Variants in SSR2 observed in about 807,000 individuals in gnomAD.
SSR2 encodes translocon-associated protein subunit beta.
A neutral mutation model predicts 22.6 loss-of-function variants in SSR2; 16 were observed. The observed-to-expected ratio is 0.71, with a 90% CI of 0.48 to 1.08. The LOEUF is 1.08. Among genes scored for constraint, SSR2 ranks in the 50% least tolerant of loss-of-function variants. The probability of loss-of-function intolerance (pLI) is 0.00; values close to 1 mark genes in which losing one functional copy is unlikely to be tolerated. For synonymous variants in SSR2, 83 were observed against 91.2 expected (o/e 0.91, Z 0.51); for missense variants, 171 against 221.6 (o/e 0.77, Z 1.45).
chr1:156,012,828 T>C lies in SSR2; in HGVS notation c.364-941A>G, dbSNP rs1338512506. On this transcript the variant is annotated intron_variant, in intron 4 of 5. Coordinates refer to ENST00000295702, the MANE Select transcript of SSR2 (RefSeq NM_003145.4). The stretch of plus-strand genomic sequence containing the variant: ...TTTATGACTTAAGCTTTTTGAGGAC[T>C]TGGACAGTATATTAATCCTCTTGGT... The C allele has an allele frequency of 1.1e-5, 3 of 283,948 alleles. No homozygotes were observed. The Admixed American group carries it at 1.3e-4, about 12-fold the overall frequency. The allele number at this position is 283,948 out of a possible 1,614,324, so 17.6% of individuals were successfully genotyped here.
chr1:156,020,587 T>C (rs1441796765), intron 1 of SSR2: 7 of 323,584 alleles, frequency 2.2e-5, no homozygotes, highest in East Asian at 8.2e-5. Flanking sequence ...CACAGCTCTA[T>C]TGGGATCCCA....
At chr1:156,016,377 G>A (rs1470221670) in intron 3 of SSR2, among the ~76,000 whole-genome samples, 1 of 151,864 alleles carries the variant, frequency 6.6e-6, no homozygotes, top group Non-Finnish European at 1.5e-5. Context: ...GGAACTACAG[G>A]CGCCCGCCAC....
chr1:156,012,299 C>A lies in SSR2; in HGVS notation c.364-412G>T, dbSNP rs112572765. On this transcript the variant is annotated intron_variant, in intron 4 of 5. Coordinates refer to ENST00000295702, the MANE Select transcript of SSR2 (RefSeq NM_003145.4). ...TACCCTTGGTAATCATTTACTTAATCCTCCAGCAAAAATCCACTACTTCAC... is the reference window on the plus strand; with the variant it reads ...TACCCTTGGTAATCATTTACTTAATACTCCAGCAAAAATCCACTACTTCAC... The A allele has an allele frequency of 4.6e-3, 1,391 of 300,944 alleles. 25 individuals are homozygous for A. The highest frequency in any genetic ancestry group is 0.029 in the African/African-American group (1,322 of 46,274). 18.6% of individuals were successfully genotyped at this position (300,944 alleles called of 1,614,324 possible).
intron 4 of SSR2, 115 bp downstream of exon 4, chr1:156,014,846 T>C: frequency 1.2e-6 from 1 of 853,062 alleles, no homozygotes; most frequent in Non-Finnish European, 1.9e-6. Flanking sequence ...CAGTCCTAAC[T>C]GTATTTTGGT....
intron 3 of SSR2, among the ~76,000 whole-genome samples, chr1:156,017,744 T>TTTG (rs1683079524): frequency 9.2e-6 from 1 of 109,012 alleles, no homozygotes; most frequent in Non-Finnish European, 1.9e-5. Flanking sequence ...TTCAGGTTTT[T>TTTG]TTTTTTTTTT....
chr1:156,012,005 C>T, intron 4 of SSR2, 118 bp from the exon 5 acceptor site: 1 of 692,370 alleles, frequency 1.4e-6, no homozygotes, highest in East Asian at 2.6e-5. Flanking sequence ...TCTTAGTTCC[C>T]AAAGGCTCAG....
intron 4 of SSR2, chr1:156,012,611 G>A (rs1682995604): frequency 4.4e-6 from 2 of 455,150 alleles, no homozygotes; most frequent in South Asian, 3.1e-5. Flanking sequence ...GCTAGGTTTA[G>A]AAGAATATGG....
At chr1:156,010,844 G>C (rs149308844) in intron 5 of SSR2, 1 of 151,926 alleles carries the variant, frequency 6.6e-6, no homozygotes, top group Admixed American at 6.6e-5. Flanking sequence ...TCTCAATCTC[G>C]GCTGCTCTCT....
At chr1:156,014,892 C>A in intron 4 of SSR2, 69 bp downstream of exon 4, 1 of 1,281,578 alleles carries the variant, frequency 7.8e-7, no homozygotes, top group Non-Finnish European at 1.1e-6. Flanking sequence ...CCCCTCTTAC[C>A]CCCACCACAA....
chr1:156,009,077 C>G lies in SSR2; in HGVS notation c.*463G>C, dbSNP rs1433081433. 1 of 154,864 alleles carries G rather than the reference C, an allele frequency of 6.5e-6. No individual in the cohort carries two copies. The highest frequency in any genetic ancestry group is 1.4e-5 in the Non-Finnish European group (1 of 69,912). 9.6% of individuals were successfully genotyped at this position (154,864 alleles called of 1,614,324 possible). ...TGTGGCATTTGTTTTTATTAGAAAA[C>G]CCCTTAGTAAGCACTTCTCTAACCC... On this transcript the variant is annotated 3_prime_UTR_variant, in exon 6 of 6. Coordinates refer to ENST00000295702, the MANE Select transcript of SSR2 (RefSeq NM_003145.4).
intron 4 of SSR2, chr1:156,013,774 C>T (rs1421375263): frequency 1.3e-5 from 2 of 153,146 alleles, no homozygotes; most frequent in African/African-American, 4.8e-5. Context: ...TAAGCAGGAG[C>T]AATCTAAGCA....
rs1300614243 is a variant in SSR2 at position 156,009,588 on chromosome 1, C to T, written c.504G>A (p.Trp168Ter). The change falls in exon 6 of 6, where the codon TGG becomes TGA. Residue 168 changes from tryptophan to a stop codon, truncating the protein, a stop_gained. Coordinates refer to ENST00000295702, the MANE Select transcript of SSR2 (RefSeq NM_003145.4). LOFTEE classifies it high-confidence loss of function. ...LPSIGIPLLL[W>*]YSSKRKYDTP... is the part of the protein sequence containing the mutation. ...TGTCATATTTCCTCTTGCTGGAGTA[C>T]CACAATAGCAGGGGGATGCCGATGG... 6.2e-7 allele frequency: 1 copy of T among 1,613,082 alleles called. No individual in the cohort carries two copies. Among genetic ancestry groups the T allele is most frequent in the African/African-American group, 1.3e-5 (1 of 74,950 alleles).
intron 3 of SSR2, among the ~76,000 whole-genome samples, chr1:156,016,049 G>T (rs1018470840): frequency 2.0e-5 from 3 of 151,962 alleles, no homozygotes; most frequent in African/African-American, 7.2e-5. Flanking sequence ...TACTCTGGAG[G>T]CTGAGGCTGG....
rs1558076415 is a variant in SSR2, at chr1:156,011,903, G to A, written c.364-16C>T. 6.2e-7 allele frequency: 1 copy of A among 1,607,582 alleles called. No individual in the cohort carries two copies. The highest frequency in any genetic ancestry group is 8.5e-7 in the Non-Finnish European group (1 of 1,174,630). On this transcript the variant is annotated splice_polypyrimidine_tract_variant and intron_variant, in intron 4 of 5. Coordinates refer to ENST00000295702, the MANE Select transcript of SSR2 (RefSeq NM_003145.4). ...TAGAGCCAATCTGAAAAGAAGAAAA[G>A]AACGACATTAAGGGAAGTCCACCTC...
chr1:156,016,281 T>G (rs2102723817), intron 3 of SSR2, among the ~76,000 whole-genome samples: 1 of 152,100 alleles, frequency 6.6e-6, no homozygotes, highest in Admixed American at 6.5e-5. Context: ...TCGCCCAGGC[T>G]GAAGTGCAGT....
rs1314046437 is a variant in SSR2, at chr1:156,020,160, A to G, written c.8T>C (p.Leu3Pro). The change falls in exon 2 of 6, where the codon CTG (leucine) becomes CCG (proline). Residue 3 changes from leucine (L) to proline (P), a missense_variant. Leu to Pro is a moderately conservative substitution (Grantham distance 98). Transcript: ENST00000295702. MRLLSFVVLALFA... is the reference protein window; with the variant it reads MRPLSFVVLALFA... ...TAGAGCCAACACCACAAATGACAGC[A>G]GCCTCATCTTTAGAGAAAAAAGCAA... The G allele has an allele frequency of 3.1e-6, 5 of 1,613,682 alleles. No individual in the cohort carries two copies. The East Asian group carries it at 1.1e-4, about 36-fold the overall frequency.
At chr1:156,016,066 G>A (rs72708238) in intron 3 of SSR2, among the ~76,000 whole-genome samples, 45,050 of 151,486 alleles carry the variant, frequency 0.3, 7,674 homozygotes, top group East Asian at 0.82. Context: ...CTGGAGAATC[G>A]CTTGAACTCG....
Position 156,014,987 on chromosome 1 carries a change from GGTAA to G in SSR2, c.333_336del (p.Tyr112TrpfsTer9), listed in dbSNP as rs755782402. 1.2e-6 allele frequency: 2 copies of G among 1,613,844 alleles called. No homozygotes were observed. The highest frequency in any genetic ancestry group is 1.7e-6 in the Non-Finnish European group (2 of 1,179,920). On this transcript the variant is annotated frameshift_variant, in exon 4 of 6. Transcript: ENST00000295702. LOFTEE classifies it high-confidence loss of function. ...ACAACGGGCCCATCCTCCTGGGCCA[GGTAA>G]GTAATTGTTGCCGAGGTGAAGTTGA... is the stretch of plus-strand genomic sequence containing the variant.
At position 156,011,866 on chromosome 1, in the gene SSR2, C is replaced by G. The variant is rs1682982614; in HGVS notation, c.385G>C (p.Gly129Arg). 1 of 1,613,850 alleles carries G rather than the reference C, an allele frequency of 6.2e-7. No homozygotes were observed. The highest frequency in any genetic ancestry group is 8.5e-7 in the Non-Finnish European group (1 of 1,179,914). The change falls in exon 5 of 6, where the codon GGA becomes CGA. Residue 129 changes from glycine to arginine, a missense_variant. Physicochemically the swap from Gly to Arg is moderately radical, Grantham distance 125 (BLOSUM62 -2). Coordinates refer to ENST00000295702, the MANE Select transcript of SSR2 (RefSeq NM_003145.4). ...CGCTGAGCCAGGATTCCTCCCTGTCCAGGTGCACTGGTAGAGCCAATCTGA... is the reference window on the plus strand; with the variant it reads ...CGCTGAGCCAGGATTCCTCCCTGTCGAGGTGCACTGGTAGAGCCAATCTGA... ...PVVIGSTSAP[G>R]QGGILAQREF...
Sources: gnomAD v4.1 joint callset for allele counts (sites outside exome capture counted in the v4.1 genomes callset) on GRCh38, gnomAD v4.1.1 for gene constraint, MANE v1.5 for transcripts, NCBI Gene and HGNC (gene_info 2026-07-23, HGNC 2026-07-21) for gene names.